SHISA9: variants seen among roughly 807,000 people sequenced by gnomAD.
The protein encoded by SHISA9 is protein shisa-9.
A neutral mutation model predicts 38.0 loss-of-function variants in SHISA9; 13 were observed. That is an observed-to-expected ratio of 0.34 (90% CI 0.22 to 0.54). The LOEUF (loss-of-function observed/expected upper bound fraction) is 0.54. Among genes scored for constraint, SHISA9 ranks in the 20% least tolerant of loss-of-function variants. SHISA9 has a pLI of 0.91. For synonymous variants in SHISA9, 275 were observed against 242.0 expected (o/e 1.14, Z -1.27); for missense variants, 538 against 575.8 (o/e 0.93, Z 0.67).
At chr16:13,112,671 T>C (rs1042649782) in intron 2 of SHISA9, among the ~76,000 whole-genome samples, 1 of 152,094 alleles carries the variant, frequency 6.6e-6, no homozygotes, top group Non-Finnish European at 1.5e-5. Context: ...CAAGGGGTTC[T>C]TCTGGTTTGT....
At chr16:13,126,156 C>T (rs1189522213) in intron 2 of SHISA9, among the ~76,000 whole-genome samples, 2 of 152,302 alleles carry the variant, frequency 1.3e-5, no homozygotes, top group East Asian at 1.9e-4. Context: ...TCGGCAGCCC[C>T]ATGTGCATAG....
chr16:13,310,607 T>A, the SHISA9 span, among the ~76,000 whole-genome samples: 1 of 152,168 alleles, frequency 6.6e-6, no homozygotes, highest in East Asian at 1.9e-4. Context: ...TTGAAGGACT[T>A]TTAGCAAAAA....
chr16:13,027,565 TAAAC>T (rs1180051262), intron 2 of SHISA9, among the ~76,000 whole-genome samples: 2 of 152,040 alleles, frequency 1.3e-5, no homozygotes, highest in African/African-American at 4.8e-5. Context: ...GGAGAATGAA[TAAAC>T]AAACTGTGGT....
At chr16:13,224,981 C>A (rs180861857) in intron 4 of SHISA9, among the ~76,000 whole-genome samples, 1 of 152,096 alleles carries the variant, frequency 6.6e-6, no homozygotes, top group African/African-American at 2.4e-5. Flanking sequence ...GCTGGGAATG[C>A]ACATGGAAAT....
the SHISA9 span, among the ~76,000 whole-genome samples, chr16:13,433,447 C>G: frequency 6.6e-6 from 1 of 152,188 alleles, no homozygotes; most frequent in Admixed American, 6.5e-5. Flanking sequence ...GCTATTATCT[C>G]TATGTGCATG....
the SHISA9 span, among the ~76,000 whole-genome samples, chr16:13,453,247 G>T: frequency 6.6e-6 from 1 of 152,112 alleles, no homozygotes; most frequent in Non-Finnish European, 1.5e-5. Context: ...TGCAATATGG[G>T]GATATGTGTC....
At chr16:12,992,687 T>C (rs1257110577) in intron 2 of SHISA9, among the ~76,000 whole-genome samples, 6 of 152,198 alleles carry the variant, frequency 3.9e-5, no homozygotes, top group Admixed American at 2.0e-4. Context: ...TTTTCCGCAA[T>C]TTTATTACAG....
In SHISA9 at chr16:13,019,935, CTTT is replaced by C. The variant is rs1567184196; in HGVS notation, c.691+103121_691+103123del. 3.1e-3 allele frequency among the ~76,000 whole-genome samples: 282 copies of C among 91,988 alleles called. 6 individuals are homozygous for C. Among genetic ancestry groups the C allele is most frequent in the Non-Finnish European group, 5.0e-3 (215 of 42,788 alleles). The allele number at this position is 91,988 out of a possible 152,430, so 60.3% of individuals were successfully genotyped here. On this transcript the variant is annotated intron_variant, in intron 2 of 4. Transcript: ENST00000558583. ...TCTTTCTTTCTTTCTTTCTTTCTTT[CTTT>C]CTTTCTTTCTTTCTTTCTTTCCCTC... is the stretch of plus-strand genomic sequence containing the variant.
chr16:13,306,558 C>T, the SHISA9 span, among the ~76,000 whole-genome samples: 1 of 152,128 alleles, frequency 6.6e-6, no homozygotes, highest in South Asian at 2.1e-4. Context: ...TCTGAAGTTG[C>T]CATCAAGATA....
At chr16:13,299,247 T>C in the SHISA9 span, among the ~76,000 whole-genome samples, 909 of 152,330 alleles carry the variant, frequency 6.0e-3, 7 homozygotes, top group African/African-American at 0.021. Flanking sequence ...GCTTCCCTTG[T>C]ACAGACAGTC....
intron 2 of SHISA9, among the ~76,000 whole-genome samples, chr16:13,025,274 C>T (rs984021341): frequency 4.6e-5 from 7 of 152,308 alleles, no homozygotes; most frequent in South Asian, 2.1e-4. Flanking sequence ...AGACCAGCAA[C>T]GACATTACCT....
the SHISA9 span, among the ~76,000 whole-genome samples, chr16:13,359,777 G>A: frequency 2.6e-5 from 4 of 152,142 alleles, no homozygotes; most frequent in African/African-American, 9.7e-5. Flanking sequence ...TGTGAAGCAG[G>A]TTCACTGTGC....
rs376038029 is a variant in SHISA9 at position 13,033,263 on chromosome 16, C to T, written c.691+116448C>T. The stretch of plus-strand genomic sequence containing the variant: ...AATTAGGGTGAAAATGGACTGATGA[C>T]CTGGACTGAAGGGAGGCGGGAAGGT... On this transcript the variant is annotated intron_variant, in intron 2 of 4. Coordinates refer to ENST00000558583, the MANE Select transcript of SHISA9 (RefSeq NM_001145204.3). Among the ~76,000 whole-genome samples, 31 of 152,184 alleles carry T rather than the reference C, an allele frequency of 2.0e-4. No individual in the cohort carries two copies. The South Asian group carries it at 6.4e-3, about 32-fold the overall frequency.
the SHISA9 span, among the ~76,000 whole-genome samples, chr16:13,257,301 T>G: frequency 2.5e-4 from 38 of 152,320 alleles, no homozygotes; most frequent in Non-Finnish European, 2.2e-4. Context: ...GCAATTAAGC[T>G]GATCAAGTTG....
intron 2 of SHISA9, among the ~76,000 whole-genome samples, chr16:12,931,312 C>A (rs1434865160): frequency 6.6e-6 from 1 of 152,074 alleles, no homozygotes; most frequent in African/African-American, 2.4e-5. Context: ...TTCAGGGGGA[C>A]CATGCACAGG....
At chr16:13,335,932 T>G in the SHISA9 span, among the ~76,000 whole-genome samples, 1 of 152,180 alleles carries the variant, frequency 6.6e-6, no homozygotes, top group Non-Finnish European at 1.5e-5. Flanking sequence ...TGGATTAATA[T>G]CCCCAGGATT....
chr16:13,121,403 G>C (rs898710947), intron 2 of SHISA9, among the ~76,000 whole-genome samples: 17 of 152,010 alleles, frequency 1.1e-4, no homozygotes, highest in Non-Finnish European at 2.1e-4. Context: ...GAGGCAGAAG[G>C]ATTGCTTGAA....
chr16:13,420,245 C>CAAAAAAAAAAAAAAAAAAAAAAAAA, the SHISA9 span, among the ~76,000 whole-genome samples: 1 of 50,392 alleles, frequency 2.0e-5, no homozygotes, highest in Non-Finnish European at 3.3e-5. Context: ...GAATCTGTTT[C>CAAAAAAAAAAAAAAAAAAAAAAAAA]AAAAAAAAAA....
At chr16:12,904,251 A>C (rs1249141905) in intron 1 of SHISA9, among the ~76,000 whole-genome samples, 1 of 152,160 alleles carries the variant, frequency 6.6e-6, no homozygotes, top group African/African-American at 2.4e-5. Flanking sequence ...TGGTAGGGAA[A>C]GATTGACTCC....
Sources: allele counts gnomAD v4.1 joint callset (sites outside exome capture counted in the v4.1 genomes callset), GRCh38; gene constraint gnomAD v4.1.1; transcripts MANE v1.5; gene names NCBI Gene and HGNC (gene_info 2026-07-23, HGNC 2026-07-21).